Variants in WDR19 observed in about 807,000 individuals in gnomAD.
The protein encoded by WDR19 is WD repeat domain 19.
In WDR19, 121 loss-of-function variants were observed where a neutral mutation model predicts 180.0. The ratio of observed to expected loss-of-function variants is 0.67; its 90% CI spans 0.58 to 0.78. WDR19 has a LOEUF of 0.78. WDR19 is among the 30% of genes least tolerant of loss of function. WDR19 has a pLI of 0.00. For missense variants in WDR19, 1,450 were observed against 1,640.7 expected (o/e 0.88, Z 2.01); for synonymous variants, 497 against 540.7 (o/e 0.92, Z 1.12).
intron 24 of WDR19, among the ~76,000 whole-genome samples, chr4:39,248,487 A>G (rs970626759): frequency 5.3e-5 from 8 of 152,234 alleles, no homozygotes; most frequent in African/African-American, 1.9e-4. Flanking sequence ...GACAGGATCA[A>G]ATTCACACAT....
intron 6 of WDR19, among the ~76,000 whole-genome samples, chr4:39,202,139 C>T (rs890913904): frequency 7.2e-5 from 11 of 152,074 alleles, no homozygotes; most frequent in South Asian, 2.1e-4. Context: ...TTTTCAGGAG[C>T]GTCTGTTAGA....
At chr4:39,226,033 A>G (rs955931858) in intron 15 of WDR19, among the ~76,000 whole-genome samples, 1 of 152,212 alleles carries the variant, frequency 6.6e-6, no homozygotes, top group Non-Finnish European at 1.5e-5. Context: ...TCTACTTAAT[A>G]CAGAAATTCC....
chr4:39,273,262 A>G lies in WDR19; in HGVS notation c.3565+201A>G, dbSNP rs533653657. The G allele has an allele frequency of 1.9e-5, 10 of 523,188 alleles. No homozygotes were observed. The African/African-American group carries it at 2.0e-4, about 10-fold the overall frequency. 32.4% of individuals were successfully genotyped at this position (523,188 alleles called of 1,614,324 possible). ...GGAGGATTTACAAGAGTCAACACAC[A>G]GTAGTACCAAAGCCGAGATTTATCA... is the stretch of plus-strand genomic sequence containing the variant. On this transcript the variant is annotated intron_variant, in intron 32 of 36. Coordinates refer to ENST00000399820, the MANE Select transcript of WDR19 (RefSeq NM_025132.4).
intron 3 of WDR19, among the ~76,000 whole-genome samples, chr4:39,187,046 A>G (rs1190845312): frequency 6.6e-6 from 1 of 152,184 alleles, no homozygotes; most frequent in Non-Finnish European, 1.5e-5. Flanking sequence ...ACATTATACT[A>G]AGCATAATTG....
intron 10 of WDR19, 36 bp downstream of exon 10, chr4:39,214,707 AT>A (rs771209248): frequency 7.6e-7 from 1 of 1,311,932 alleles, no homozygotes; most frequent in Non-Finnish European, 1.1e-6. Context: ...ACATTTTATC[AT>A]TCCAGTTACA....
At chr4:39,281,479 G>A (rs1736537425) in intron 36 of WDR19, among the ~76,000 whole-genome samples, 2 of 151,704 alleles carry the variant, frequency 1.3e-5, no homozygotes, top group Non-Finnish European at 2.9e-5. Flanking sequence ...CTTCATTACT[G>A]TGGCTTTATA....
At chr4:39,212,351 A>G (rs1597723) in intron 9 of WDR19, among the ~76,000 whole-genome samples, 147,766 of 152,326 alleles carry the variant, frequency 0.97, 71,828 homozygotes, top group Middle Eastern at 1. Flanking sequence ...AATATAAAAT[A>G]TAAAACATAG....
Position 39,244,537 on chromosome 4 carries a change from TC to T in WDR19, c.2632del (p.Arg878AlafsTer39), listed in dbSNP as rs1181106964. 1 of 1,613,930 alleles carries T rather than the reference TC, an allele frequency of 6.2e-7. No individual in the cohort carries two copies. The highest frequency in any genetic ancestry group is 1.7e-5 in the Admixed American group (1 of 60,010). Reference protein sequence around the residue: ...LYYDKAASVYIRSKNWAKVGD... With the variant: ...LYYDKAASVYXRSKNWAKVGD... ...TACGATAAAGCAGCATCTGTTTACA[TC>T]CGCTCTAAGAATTGGTAAGAGCTGC... On this transcript the variant is annotated frameshift_variant, in exon 23 of 37. Transcript: ENST00000399820. LOFTEE classifies it high-confidence loss of function.
At chr4:39,257,702 G>A in intron 28 of WDR19, 148 bp downstream of exon 28, 2 of 684,574 alleles carry the variant, frequency 2.9e-6, no homozygotes, top group East Asian at 2.9e-5. Context: ...TCAATACATA[G>A]ACAGCCTCAT....
At chr4:39,228,727 T>G (rs1730550650) in intron 17 of WDR19, 37 bp downstream of exon 17, 1 of 1,494,382 alleles carries the variant, frequency 6.7e-7, no homozygotes, top group Non-Finnish European at 8.9e-7. Flanking sequence ...ACTTCTCATT[T>G]GCTTTTGTGA....
rs1064796986 is a variant in WDR19, at chr4:39,205,167, T to C, written c.617T>C (p.Leu206Pro). 3 of 1,587,664 alleles carry C rather than the reference T, an allele frequency of 1.9e-6. No homozygotes were observed. Among genetic ancestry groups the C allele is most frequent in the Non-Finnish European group, 2.6e-6 (3 of 1,165,880 alleles). The change falls in exon 8 of 37, where the codon CTT becomes CCT. Residue 206 changes from leucine to proline, a missense_variant. By Grantham distance (98) the Leu-to-Pro change is moderately conservative (BLOSUM62 -3). Transcript: ENST00000399820. ...CTTTTCTGGCAGATAAGTGTGGTGC[T>C]TGGCAAGAAAACTTTGTTTTTTTTA... ...SAAESMISVVLGKKTLFFLNL... is the reference protein window; with the variant it reads ...SAAESMISVVPGKKTLFFLNL...
At chr4:39,211,822 T>C (rs1728535347) in intron 9 of WDR19, among the ~76,000 whole-genome samples, 1 of 152,008 alleles carries the variant, frequency 6.6e-6, no homozygotes. Flanking sequence ...CTCAACAAAG[T>C]GAAGATATCA....
At chr4:39,256,609 AC>A (rs1407109581) in intron 27 of WDR19, among the ~76,000 whole-genome samples, 7 of 152,190 alleles carry the variant, frequency 4.6e-5, no homozygotes, top group Non-Finnish European at 1.0e-4. Context: ...GCCAAAAAAA[AC>A]ATGTCTGTGT....
At chr4:39,191,428 AC>A (rs993897879) in intron 4 of WDR19, among the ~76,000 whole-genome samples, 2 of 152,180 alleles carry the variant, frequency 1.3e-5, no homozygotes, top group African/African-American at 4.8e-5. Flanking sequence ...CACTTCAAAC[AC>A]CTGAAATAGT....
At chr4:39,189,535 A>G (rs1343642680) in intron 3 of WDR19, 121 bp from the exon 4 acceptor site, 1 of 945,918 alleles carries the variant, frequency 1.1e-6, no homozygotes, top group East Asian at 3.2e-5. Flanking sequence ...TGTATTTCTC[A>G]CTTTAGAGAG....
chr4:39,259,341 G>C (rs1343646953), intron 28 of WDR19, among the ~76,000 whole-genome samples: 2 of 152,228 alleles, frequency 1.3e-5, no homozygotes, highest in East Asian at 3.8e-4. Context: ...CATGTGGTAT[G>C]AATCTGGTTT....
intron 36 of WDR19, among the ~76,000 whole-genome samples, chr4:39,281,220 T>G (rs1025837542): frequency 1.9e-5 from 2 of 104,612 alleles, no homozygotes; most frequent in African/African-American, 9.4e-5. Flanking sequence ...TGTGTGTATA[T>G]ATATATATAT....
chr4:39,231,808 C>A lies in WDR19; in HGVS notation c.1994C>A (p.Ala665Asp). ...QNLMLKRFSD[A>D]WEMCRILNDE... The stretch of plus-strand genomic sequence containing the variant: ...TTCTTACATCCCAGGTTTTCTGATG[C>A]TTGGGAAATGTGCAGGATTCTGAAT... The change falls in exon 18 of 37, where the codon GCT becomes GAT. Residue 665 changes from alanine to aspartate, a missense_variant. Physicochemically the swap from Ala to Asp is moderately radical, Grantham distance 126. Coordinates refer to ENST00000399820, the MANE Select transcript of WDR19 (RefSeq NM_025132.4). The A allele has an allele frequency of 6.3e-7, 1 of 1,580,508 alleles. No individual in the cohort carries two copies. The highest frequency in any genetic ancestry group is 8.7e-7 in the Non-Finnish European group (1 of 1,155,754).
At chr4:39,240,769 G>A (rs923485810) in intron 21 of WDR19, among the ~76,000 whole-genome samples, 12 of 151,824 alleles carry the variant, frequency 7.9e-5, no homozygotes, top group African/African-American at 2.9e-4. Context: ...GGCCAATATG[G>A]TGAAACCCCA....
Sources: gnomAD v4.1 joint callset for allele counts (sites outside exome capture counted in the v4.1 genomes callset) on GRCh38, gnomAD v4.1.1 for gene constraint, MANE v1.5 for transcripts, NCBI Gene and HGNC (gene_info 2026-07-23, HGNC 2026-07-21) for gene names.